The following PXN variants were observed in gnomAD, a reference collection of about 807,000 sequenced individuals.
PXN encodes the protein testicular tissue protein Li 134.
Under a neutral mutation model 103.6 loss-of-function variants are expected in PXN, and 61 were observed. That is an observed-to-expected ratio of 0.59 (90% confidence interval 0.48 to 0.73). PXN has a LOEUF of 0.73. Ranked by LOEUF, PXN falls within the 30% of genes least tolerant of loss-of-function variation. The probability of loss-of-function intolerance (pLI) is 0.00; values close to 1 mark genes in which losing one functional copy is unlikely to be tolerated. For synonymous variants in PXN, 562 were observed against 607.8 expected, an observed-to-expected ratio of 0.92 and a Z score of 1.11; for missense variants, 1,274 against 1,460.3, an observed-to-expected ratio of 0.87 and a Z score of 2.08.
chr12:120,219,089 G>T lies in PXN; in HGVS notation c.1716+118C>A. Reference sequence around the variant, plus strand: ...TGTCAGGTCCGGCCACAGTGTCTCAGCATTTTCTGCCCAAGCAGACATGCG... The same window carrying T: ...TGTCAGGTCCGGCCACAGTGTCTCATCATTTTCTGCCCAAGCAGACATGCG... On this transcript the variant is annotated intron_variant, in intron 7 of 14. Coordinates refer to ENST00000637617, the MANE Select transcript of PXN (RefSeq NM_001385981.1). This position sits in a 1 kb window ranked among gnomAD's most constrained non-coding sequence, Gnocchi z 6.5. 1 of 1,151,078 alleles carries T rather than the reference G, an allele frequency of 8.7e-7. No homozygotes were observed. The highest frequency in any genetic ancestry group is 1.2e-6 in the Non-Finnish European group (1 of 843,946). The allele number at this position is 1,151,078 out of a possible 1,614,324, so 71.3% of individuals were successfully genotyped here.
At chr12:120,256,154 T>C (rs1238276258) in intron 1 of PXN, among the ~76,000 whole-genome samples, 1 of 151,894 alleles carries the variant, frequency 6.6e-6, no homozygotes, top group Non-Finnish European at 1.5e-5. Flanking sequence ...CTCACACTTA[T>C]AATACCAGCA....
In PXN at chr12:120,215,908, G is replaced by A. The variant is rs751985160; in HGVS notation, c.2302-247C>T. ...GAGGAAATGGCAAGGGGAGGTGGCC[G>A]GGCTCAGTGATGAGGCCTCACCGGG... On this transcript the variant is annotated intron_variant, in intron 9 of 14. Transcript: ENST00000637617. The surrounding 1 kb of genome is among the most constrained non-coding windows in gnomAD (Gnocchi z 4.9). 15 of 1,393,380 alleles carry A rather than the reference G, an allele frequency of 1.1e-5. No homozygotes were observed. The highest frequency in any genetic ancestry group is 1.7e-5 in the South Asian group (1 of 58,568). 86.3% of individuals were successfully genotyped at this position (1,393,380 alleles called of 1,614,324 possible).
intron 1 of PXN, among the ~76,000 whole-genome samples, chr12:120,234,042 TAAAAC>T (rs1888566496): frequency 6.6e-6 from 1 of 152,114 alleles, no homozygotes; most frequent in South Asian, 2.1e-4. Context: ...ATCATTGTCT[TAAAAC>T]AAACAAGGCT....
chr12:120,221,633 G>A lies in PXN; in HGVS notation c.821C>T (p.Ser274Leu). 1.3e-6 allele frequency: 2 copies of A among 1,561,932 alleles called. No individual in the cohort carries two copies. Among genetic ancestry groups the A allele is most frequent in the South Asian group, 1.2e-5 (1 of 84,636 alleles). Residue 274 changes from serine (S) to leucine (L), a missense_variant, in exon 6 of 15, where the codon TCG becomes TTG. Physicochemically the swap from Ser to Leu is moderately radical, Grantham distance 145. Coordinates refer to ENST00000637617, the MANE Select transcript of PXN (RefSeq NM_001385981.1). This position sits in a 1 kb window ranked among gnomAD's most constrained non-coding sequence, Gnocchi z 6.6. ...RELDELMASL[S>L]DFKTSSSTVA... ...GGGTTCACAGGGCACCTTGAAATCC[G>A]ACAGCGAAGCCATCAGCTCGTCCAG...
intron 1 of PXN, among the ~76,000 whole-genome samples, chr12:120,240,389 A>G (rs1889936348): frequency 2.0e-5 from 3 of 152,194 alleles, no homozygotes; most frequent in Admixed American, 1.3e-4. Flanking sequence ...GTGCTCTGAC[A>G]GGTGTCAGTT....
chr12:120,211,964 G>A lies in PXN; in HGVS notation c.*350C>T, dbSNP rs779976594. 82 of 569,962 alleles carry A rather than the reference G, an allele frequency of 1.4e-4. No homozygotes were observed. The highest frequency in any genetic ancestry group is 1.1e-3 in the South Asian group (77 of 72,034). 35.3% of individuals were successfully genotyped at this position (569,962 alleles called of 1,614,324 possible). Reference sequence around the variant, plus strand: ...GCCTGCCCTTCCCTGCCCCCCGGCTGCACTGCTGAAATATGAGGAAGAGAT... The same window carrying A: ...GCCTGCCCTTCCCTGCCCCCCGGCTACACTGCTGAAATATGAGGAAGAGAT... On this transcript the variant is annotated 3_prime_UTR_variant, in exon 15 of 15. Coordinates refer to ENST00000637617, the MANE Select transcript of PXN (RefSeq NM_001385981.1).
In PXN at chr12:120,219,145, G is replaced by T; in HGVS notation, c.1716+62C>A. 7.0e-7 allele frequency: 1 copy of T among 1,424,528 alleles called. No homozygotes were observed. Among genetic ancestry groups the T allele is most frequent in the South Asian group, 1.4e-5 (1 of 72,180 alleles). The allele number at this position is 1,424,528 out of a possible 1,614,324, so 88.2% of individuals were successfully genotyped here. ...TGGGAGGCTGCATGCAGTTAGCGAG[G>T]AGCGGCCCACACTCAGACCCGCCAA... On this transcript the variant is annotated intron_variant, in intron 7 of 14. Coordinates refer to ENST00000637617, the MANE Select transcript of PXN (RefSeq NM_001385981.1). This position sits in a 1 kb window ranked among gnomAD's most constrained non-coding sequence, Gnocchi z 6.5.
At chr12:120,226,344 G>T (rs1886869713) in intron 1 of PXN, 1 of 1,289,242 alleles carries the variant, frequency 7.8e-7, no homozygotes, top group African/African-American at 1.5e-5. Context: ...CTGGGGCCAG[G>T]AGCTTCACCT....
intron 1 of PXN, among the ~76,000 whole-genome samples, chr12:120,237,227 C>T (rs1001264533): frequency 6.6e-6 from 1 of 151,162 alleles, no homozygotes; most frequent in African/African-American, 2.4e-5. Flanking sequence ...GGCATGATCA[C>T]GGTTCACTGC....
intron 1 of PXN, among the ~76,000 whole-genome samples, chr12:120,236,541 C>A (rs901519631): frequency 6.7e-6 from 1 of 150,208 alleles, no homozygotes; most frequent in African/African-American, 2.5e-5. Flanking sequence ...ACAGTGGCGC[C>A]ATCTCAGCTC....
At chr12:120,235,252 C>T (rs961716176) in intron 1 of PXN, among the ~76,000 whole-genome samples, 2 of 152,172 alleles carry the variant, frequency 1.3e-5, no homozygotes, top group African/African-American at 4.8e-5. Flanking sequence ...AGCCTCTGCT[C>T]CTGCCACGGA....
At chr12:120,251,577 G>T (rs536417421) in intron 1 of PXN, among the ~76,000 whole-genome samples, 1 of 152,210 alleles carries the variant, frequency 6.6e-6, no homozygotes, top group East Asian at 1.9e-4. Context: ...CAGCACTTTG[G>T]GAGGTGAGGT....
Position 120,222,124 on chromosome 12 carries a change from C to T in PXN, c.696-366G>A, listed in dbSNP as rs1309681584. Among the ~76,000 whole-genome samples the T allele has an allele frequency of 6.6e-6, 1 of 152,218 alleles. No homozygotes were observed. The highest frequency in any genetic ancestry group is 1.9e-4 in the East Asian group (1 of 5,198). On this transcript the variant is annotated intron_variant, in intron 5 of 14. Coordinates refer to ENST00000637617, the MANE Select transcript of PXN (RefSeq NM_001385981.1). This position sits in a 1 kb window ranked among gnomAD's most constrained non-coding sequence, Gnocchi z 4.7. ...CTCACCATGTGTGCCACGCACTACA[C>T]ACCAGAAACCATTCCAAGCGCTTTA...
chr12:120,258,031 A>T (rs1399130061), intron 1 of PXN, among the ~76,000 whole-genome samples: 1 of 152,096 alleles, frequency 6.6e-6, no homozygotes, highest in African/African-American at 2.4e-5. Flanking sequence ...CATCTCTACT[A>T]AAATTACAAA....
At chr12:120,245,163 C>T (rs1202680934) in intron 1 of PXN, among the ~76,000 whole-genome samples, 1 of 152,040 alleles carries the variant, frequency 6.6e-6, no homozygotes, top group Non-Finnish European at 1.5e-5. Context: ...TCTGGTCACA[C>T]CTCTCCCCAT....
chr12:120,250,156 G>C, intron 1 of PXN: 1 of 985,642 alleles, frequency 1.0e-6, no homozygotes, highest in African/African-American at 1.7e-5. Flanking sequence ...GGAGTACACA[G>C]GGGAAATGGC....
intron 1 of PXN, among the ~76,000 whole-genome samples, chr12:120,263,110 C>T (rs1312395547): frequency 6.6e-6 from 1 of 152,120 alleles, no homozygotes; most frequent in Non-Finnish European, 1.5e-5. Flanking sequence ...GACCAGGAGG[C>T]ACACGGCTGA....
intron 1 of PXN, among the ~76,000 whole-genome samples, chr12:120,230,125 G>A (rs1887705620): frequency 6.6e-6 from 1 of 152,186 alleles, no homozygotes; most frequent in Non-Finnish European, 1.5e-5. Flanking sequence ...CATTGCCCCA[G>A]GCAGGGAGCG....
intron 1 of PXN, among the ~76,000 whole-genome samples, chr12:120,254,305 G>A (rs746551950): frequency 6.6e-6 from 1 of 152,174 alleles, no homozygotes; most frequent in East Asian, 1.9e-4. Context: ...GCAGATACAC[G>A]AGATGCACAA....
Sources: allele counts gnomAD v4.1 joint callset (sites outside exome capture counted in the v4.1 genomes callset), GRCh38; gene constraint gnomAD v4.1.1; non-coding constraint Gnocchi (gnomAD v3.1); transcripts MANE v1.5; gene names NCBI Gene and HGNC (gene_info 2026-07-23, HGNC 2026-07-21).